Variants in TMEM108 observed in about 807,000 individuals in gnomAD.
TMEM108 encodes the protein cancer/testis antigen 124.
TMEM108 carries 12 observed loss-of-function variants against 35.1 expected under a neutral mutation model. The observed-to-expected ratio is 0.34, with a 90% CI of 0.22 to 0.55. TMEM108 has a LOEUF of 0.55. TMEM108 is among the 20% of genes least tolerant of loss of function. The probability of loss-of-function intolerance (pLI) is 0.89; values close to 1 mark genes in which losing one functional copy is unlikely to be tolerated. For synonymous variants in TMEM108, 287 were observed against 308.6 expected, an observed-to-expected ratio of 0.93 and a Z score of 0.73; for missense variants, 680 against 753.3, an observed-to-expected ratio of 0.90 and a Z score of 1.14.
intron 3 of TMEM108, among the ~76,000 whole-genome samples, chr3:133,286,728 A>G (rs989283499): frequency 6.6e-5 from 10 of 152,238 alleles, no homozygotes; most frequent in African/African-American, 2.4e-4. Context: ...TATAATAGCA[A>G]GGGGAACAAA....
chr3:133,232,765 AG>A (rs1946172485), intron 3 of TMEM108, among the ~76,000 whole-genome samples: 1 of 151,322 alleles, frequency 6.6e-6, no homozygotes, highest in Non-Finnish European at 1.5e-5. Flanking sequence ...AGCTCTACTC[AG>A]GAATGTGGTA....
intron 3 of TMEM108, among the ~76,000 whole-genome samples, chr3:133,233,981 T>G (rs1218092727): frequency 4.2e-4 from 64 of 151,402 alleles, no homozygotes; most frequent in Middle Eastern, 3.4e-3. Flanking sequence ...TTTCTCCCAT[T>G]TTGTAGGTTG....
intron 3 of TMEM108, among the ~76,000 whole-genome samples, chr3:133,327,522 C>T (rs1364715719): frequency 6.6e-6 from 1 of 152,096 alleles, no homozygotes; most frequent in East Asian, 1.9e-4. Context: ...GTGATAGGAG[C>T]CCCCCAGAAA....
chr3:133,190,213 T>C (rs1477809092), intron 2 of TMEM108, among the ~76,000 whole-genome samples: 1 of 152,232 alleles, frequency 6.6e-6, no homozygotes, highest in East Asian at 1.9e-4. Flanking sequence ...AAGTGACCTT[T>C]GATAGCAGTG....
rs953944671 is a variant in TMEM108, at chr3:133,127,265, A to C, written c.-47+81245A>C. On this transcript the variant is annotated intron_variant, in intron 2 of 5. Transcript: ENST00000321871. The stretch of plus-strand genomic sequence containing the variant: ...ATTTAACTTTAATAAAATTAAATAA[A>C]ATTTAAAATAAAATTTGGTTTCTTA... Among the ~76,000 whole-genome samples, 7 of 152,334 alleles carry C rather than the reference A, an allele frequency of 4.6e-5. No individual in the cohort carries two copies. The East Asian group carries it at 1.3e-3, about 29-fold the overall frequency.
chr3:133,116,531 A>G (rs1944289840), intron 2 of TMEM108, among the ~76,000 whole-genome samples: 2 of 152,094 alleles, frequency 1.3e-5, no homozygotes, highest in South Asian at 4.1e-4. Context: ...GGCATATTAC[A>G]TATGCTTTTT....
chr3:133,095,058 C>T (rs892473272), intron 2 of TMEM108, among the ~76,000 whole-genome samples: 6 of 152,210 alleles, frequency 3.9e-5, no homozygotes, highest in Non-Finnish European at 5.9e-5. Flanking sequence ...TTTTTCTTAT[C>T]ATTCCCTTAG....
chr3:133,350,430 G>A (rs1351625342), intron 3 of TMEM108, among the ~76,000 whole-genome samples: 2 of 151,946 alleles, frequency 1.3e-5, no homozygotes, highest in Non-Finnish European at 2.9e-5. Flanking sequence ...AGAGGCTTGT[G>A]AAGGTGGTTC....
intron 2 of TMEM108, among the ~76,000 whole-genome samples, chr3:133,046,593 C>T (rs532466829): frequency 3.3e-5 from 5 of 152,310 alleles, no homozygotes; most frequent in African/African-American, 1.2e-4. Flanking sequence ...CCCATTCATG[C>T]CTCATCTATT....
At chr3:133,390,772 G>A (rs890300462) in intron 5 of TMEM108, among the ~76,000 whole-genome samples, 2 of 152,118 alleles carry the variant, frequency 1.3e-5, no homozygotes, top group Non-Finnish European at 1.5e-5. Flanking sequence ...TAGACAAAGA[G>A]CTGTGGAAAC....
intron 2 of TMEM108, among the ~76,000 whole-genome samples, chr3:133,187,488 G>A (rs1024308415): frequency 4.6e-5 from 7 of 152,164 alleles, no homozygotes; most frequent in Non-Finnish European, 8.8e-5. Context: ...GGTGGCTCAC[G>A]CCTGTAGTCC....
intron 2 of TMEM108, among the ~76,000 whole-genome samples, chr3:133,144,984 A>G (rs901648475): frequency 6.6e-6 from 1 of 152,112 alleles, no homozygotes; most frequent in Admixed American, 6.5e-5. Context: ...CCCATTTGTC[A>G]ATGTTGGCTT....
intron 2 of TMEM108, among the ~76,000 whole-genome samples, chr3:133,064,003 A>G (rs1169850878): frequency 6.6e-6 from 1 of 152,168 alleles, no homozygotes; most frequent in Non-Finnish European, 1.5e-5. Context: ...CTTTGTGCCC[A>G]GTGAGGATCC....
chr3:133,262,493 A>G (rs908269280), intron 3 of TMEM108, among the ~76,000 whole-genome samples: 2 of 152,228 alleles, frequency 1.3e-5, no homozygotes, highest in Non-Finnish European at 2.9e-5. Context: ...AGACGTTACC[A>G]TAGTGATGTA....
intron 3 of TMEM108, among the ~76,000 whole-genome samples, chr3:133,271,065 C>A (rs1017044817): frequency 2.6e-5 from 4 of 152,148 alleles, no homozygotes; most frequent in African/African-American, 9.7e-5. Context: ...CAAATGAACA[C>A]GCTACCCTGC....
intron 2 of TMEM108, among the ~76,000 whole-genome samples, chr3:133,144,726 T>C (rs1944691568): frequency 6.6e-6 from 1 of 152,236 alleles, no homozygotes; most frequent in African/African-American, 2.4e-5. Flanking sequence ...CCAGTGATGA[T>C]GAGCTTTTTT....
At chr3:133,064,874 C>A (rs1439398577) in intron 2 of TMEM108, among the ~76,000 whole-genome samples, 1 of 152,070 alleles carries the variant, frequency 6.6e-6, no homozygotes, top group African/African-American at 2.4e-5. Flanking sequence ...AAATAATAAA[C>A]ACAGCCAAAG....
intron 1 of TMEM108, among the ~76,000 whole-genome samples, chr3:133,044,148 T>G (rs1576288974): frequency 1.3e-5 from 2 of 152,340 alleles, no homozygotes; most frequent in African/African-American, 4.8e-5. Flanking sequence ...GAAATTACCT[T>G]TTCTTCTTTA....
intron 3 of TMEM108, among the ~76,000 whole-genome samples, chr3:133,344,514 A>G (rs1221340252): frequency 6.6e-6 from 1 of 151,842 alleles, no homozygotes; most frequent in African/African-American, 2.4e-5. Context: ...TCATCTTTTA[A>G]TAAGGAAGAA....
Sources: gnomAD v4.1 joint callset for allele counts (sites outside exome capture counted in the v4.1 genomes callset) on GRCh38, gnomAD v4.1.1 for gene constraint, MANE v1.5 for transcripts, NCBI Gene and HGNC (gene_info 2026-07-23, HGNC 2026-07-21) for gene names.